ABHD12: variants seen among roughly 807,000 people sequenced by gnomAD.
ABHD12 encodes lysophosphatidylserine lipase ABHD12.
A neutral mutation model predicts 58.3 loss-of-function variants in ABHD12; 43 were observed. The observed-to-expected ratio is 0.74, with a 90% confidence interval of 0.58 to 0.95. The LOEUF (loss-of-function observed/expected upper bound fraction) is 0.95, where lower values mean the gene tolerates loss of function less well. Ranked by LOEUF, ABHD12 falls within the 40% of genes least tolerant of loss-of-function variation. The probability of loss-of-function intolerance (pLI) is 0.00; values close to 1 mark genes in which losing one functional copy is unlikely to be tolerated. For synonymous variants in ABHD12, 219 were observed against 211.2 expected (o/e 1.04, Z -0.32); for missense variants, 539 against 537.2 (o/e 1.00, Z -0.03).
chr20:25,300,061 C>A, downstream of ABHD12: 1 of 427,444 alleles, frequency 2.3e-6, no homozygotes, highest in Non-Finnish European at 3.1e-6. Flanking sequence ...CTTCCTACTC[C>A]TGGCAAATTT....
At chr20:25,319,414 A>C (rs1568725058) in intron 4 of ABHD12, among the ~76,000 whole-genome samples, 2 of 152,188 alleles carry the variant, frequency 1.3e-5, no homozygotes. Flanking sequence ...CGTTAGGGTG[A>C]GCAGAGAGCT....
chr20:25,303,748 G>A, intron 10 of ABHD12, 120 bp from the exon 11 acceptor site: 3 of 1,408,978 alleles, frequency 2.1e-6, no homozygotes, highest in Non-Finnish European at 2.9e-6. Context: ...GATTTCTGCT[G>A]GATTTCTTTT....
At chr20:25,377,769 C>T (rs2089977758) in intron 1 of ABHD12, among the ~76,000 whole-genome samples, 1 of 152,202 alleles carries the variant, frequency 6.6e-6, no homozygotes, top group African/African-American at 2.4e-5. Flanking sequence ...GTGATCTCGG[C>T]TCACTGCAAC....
downstream of ABHD12, among the ~76,000 whole-genome samples, chr20:25,298,166 C>T (rs531012303): frequency 6.6e-6 from 1 of 152,320 alleles, no homozygotes; most frequent in Admixed American, 6.5e-5. Flanking sequence ...AAACTAGAGC[C>T]GGGGCTGAAT....
chr20:25,316,072 C>T (rs2145958109), intron 5 of ABHD12, among the ~76,000 whole-genome samples: 1 of 152,200 alleles, frequency 6.6e-6, no homozygotes, highest in East Asian at 1.9e-4. Context: ...TGCCTGGAAG[C>T]TGATTCAAGT....
chr20:25,355,703 C>G lies in ABHD12; in HGVS notation c.192-16352G>C, dbSNP rs541900182. Among the ~76,000 whole-genome samples the G allele has an allele frequency of 4.6e-5, 7 of 152,226 alleles. No homozygotes were observed. In the South Asian group the frequency reaches 1.5e-3, roughly 32 times the overall value. ...CCTCCCGAGTAGCTGGGATTACAGG[C>G]ACCCACCACCATGCCCAGGTAATTT... On this transcript the variant is annotated intron_variant, in intron 1 of 12. Transcript: ENST00000339157.
At chr20:25,338,970 C>G in intron 2 of ABHD12, 1 of 1,253,994 alleles carries the variant, frequency 8.0e-7, no homozygotes, top group South Asian at 1.6e-5. Context: ...AACACTAGCA[C>G]AGAAAGTCCT....
At chr20:25,352,096 A>G (rs2089608090) in intron 1 of ABHD12, among the ~76,000 whole-genome samples, 1 of 151,426 alleles carries the variant, frequency 6.6e-6, no homozygotes, top group Non-Finnish European at 1.5e-5. Flanking sequence ...GGTTCAAGAG[A>G]TTCTCTAGCC....
chr20:25,338,959 C>A, intron 2 of ABHD12: 2 of 1,236,286 alleles, frequency 1.6e-6, no homozygotes, highest in Non-Finnish European at 2.0e-6. Flanking sequence ...TGCTGGGGAG[C>A]AACACTAGCA....
chr20:25,299,542 G>C (rs1014154377), downstream of ABHD12, among the ~76,000 whole-genome samples: 36 of 152,242 alleles, frequency 2.4e-4, no homozygotes, highest in South Asian at 4.1e-4. Flanking sequence ...AGGTAGAGTG[G>C]GTCACCTCTG....
intron 6 of ABHD12, among the ~76,000 whole-genome samples, chr20:25,314,119 C>G (rs959332875): frequency 6.6e-6 from 1 of 151,870 alleles, no homozygotes; most frequent in African/African-American, 2.4e-5. Flanking sequence ...ACTACAGGTG[C>G]GAGCCATTAC....
At chr20:25,295,307 C>A (rs577583780), downstream of ABHD12, among the ~76,000 whole-genome samples, 1 of 152,388 alleles carries the variant, frequency 6.6e-6, no homozygotes, top group Non-Finnish European at 1.5e-5. Context: ...ATGTGCAGCT[C>A]TAACTGCCCT....
chr20:25,310,570 C>G (rs2088830318), intron 6 of ABHD12: 2 of 152,502 alleles, frequency 1.3e-5, no homozygotes, highest in Non-Finnish European at 2.9e-5. Flanking sequence ...GACTCAGACA[C>G]TAGAGGAGGG....
In ABHD12 at chr20:25,306,829, TC is replaced by T; in HGVS notation, c.950+3del. The T allele has an allele frequency of 6.3e-7, 1 of 1,599,332 alleles. No individual in the cohort carries two copies. The highest frequency in any genetic ancestry group is 1.3e-5 in the African/African-American group (1 of 74,664). On this transcript the variant is annotated splice_donor_region_variant and intron_variant, in intron 10 of 12. Transcript: ENST00000339157. ...AAAATTAGTTCCTGTCCCATAATACTCACTTTTCATCATTTGCAAATTTAAT... is the reference window on the plus strand; with the variant it reads ...AAAATTAGTTCCTGTCCCATAATACTACTTTTCATCATTTGCAAATTTAAT...
chr20:25,301,020 G>A (rs2088626552), intron 12 of ABHD12, 136 bp from the exon 13 acceptor site: 4 of 900,634 alleles, frequency 4.4e-6, no homozygotes, highest in Non-Finnish European at 7.1e-6. Context: ...AGGATGCGCT[G>A]TAGCCCAGAG....
chr20:25,348,617 G>C (rs746926778), intron 1 of ABHD12, among the ~76,000 whole-genome samples: 40 of 151,982 alleles, frequency 2.6e-4, no homozygotes, highest in Admixed American at 6.6e-5. Context: ...GGGCAACAAA[G>C]CAAGGCTCCA....
chr20:25,351,468 G>A (rs749285079), intron 1 of ABHD12, among the ~76,000 whole-genome samples: 2 of 152,142 alleles, frequency 1.3e-5, no homozygotes, highest in Non-Finnish European at 2.9e-5. Context: ...AACTGCATTG[G>A]AAGTCACTTT....
At chr20:25,339,131 C>T in intron 2 of ABHD12, 96 bp downstream of exon 2, 1 of 1,551,234 alleles carries the variant, frequency 6.4e-7, no homozygotes, top group Non-Finnish European at 8.8e-7. Context: ...TAAACTAAAT[C>T]TCCATTAAAG....
downstream of ABHD12, chr20:25,295,541 C>T (rs916127874): frequency 7.1e-6 from 11 of 1,543,866 alleles, no homozygotes; most frequent in Middle Eastern, 1.8e-4. Context: ...GGGACTCTCC[C>T]CTCGGGACAG....
Sources: gnomAD v4.1 joint callset for allele counts (sites outside exome capture counted in the v4.1 genomes callset) on GRCh38, gnomAD v4.1.1 for gene constraint, MANE v1.5 for transcripts, NCBI Gene and HGNC (gene_info 2026-07-23, HGNC 2026-07-21) for gene names.